The following HM13 variants were observed in gnomAD, a reference collection of about 807,000 sequenced individuals.
HM13 encodes signal peptide peptidase.
A neutral mutation model predicts 50.0 loss-of-function variants in HM13; 18 were observed. The ratio of observed to expected loss-of-function variants is 0.36; its 90% confidence interval spans 0.25 to 0.53. The LOEUF is 0.53. Ranked by LOEUF, HM13 falls within the 20% of genes least tolerant of loss-of-function variation. The pLI, the probability that HM13 is intolerant of heterozygous loss-of-function variation, is 0.90. For synonymous variants in HM13, 197 were observed against 232.6 expected (o/e 0.85, Z 1.39); for missense variants, 393 against 552.4 (o/e 0.71, Z 2.89).
intron 1 of HM13, among the ~76,000 whole-genome samples, chr20:31,526,180 G>A (rs1007151812): frequency 1.3e-5 from 2 of 150,188 alleles, no homozygotes; most frequent in Non-Finnish European, 3.0e-5. Flanking sequence ...TTTTTTAGAC[G>A]GAGTCTTGCT....
chr20:31,559,566 CCTG>C, intron 8 of HM13, 42 bp from the exon 9 acceptor site: 1 of 1,603,716 alleles, frequency 6.2e-7, no homozygotes, highest in Non-Finnish European at 8.5e-7. Flanking sequence ...AGTTCACTGC[CCTG>C]CTGCTTCCCT....
At position 31,520,551 on chromosome 20, in the gene HM13, A is replaced by AC. The variant is rs377158240; in HGVS notation, c.183+5819dup. ...ACTCTTGACCTCAAGTGATCCGCCC[A>AC]CCTCGGCCTCCCATAGTGCTGGGAT... On this transcript the variant is annotated intron_variant, in intron 1 of 12. Coordinates refer to ENST00000398174, the MANE Select transcript of HM13 (RefSeq NM_178581.3). 1.6e-3 allele frequency among the ~76,000 whole-genome samples: 237 copies of AC among 151,716 alleles called. 2 individuals carry two copies. Among genetic ancestry groups the AC allele is most frequent in the African/African-American group, 5.6e-3 (230 of 41,358 alleles).
chr20:31,554,696 A>T, intron 7 of HM13, 50 bp from the exon 8 acceptor site: 1 of 1,512,338 alleles, frequency 6.6e-7, no homozygotes, highest in African/African-American at 1.4e-5. Context: ...AAAAAAAAAA[A>T]TGTAAACTGG....
intron 3 of HM13, chr20:31,541,281 G>C (rs1983435994): frequency 6.6e-6 from 1 of 152,072 alleles, no homozygotes; most frequent in Non-Finnish European, 1.5e-5. Flanking sequence ...AGGAGTTCAA[G>C]ACCAGCCTGG....
chr20:31,554,377 CAA>C (rs60459866), intron 7 of HM13, among the ~76,000 whole-genome samples: 6 of 137,582 alleles, frequency 4.4e-5, no homozygotes, highest in African/African-American at 2.6e-5. Context: ...AGCCCCGTCT[CAA>C]AAAAAAAAAA....
intron 2 of HM13, among the ~76,000 whole-genome samples, chr20:31,528,361 GGC>G (rs1397245654): frequency 1.3e-5 from 2 of 152,150 alleles, no homozygotes; most frequent in African/African-American, 2.4e-5. Context: ...CCGTCCCCCA[GGC>G]TGGAGTGCAA....
intron 4 of HM13, among the ~76,000 whole-genome samples, chr20:31,546,786 G>T (rs1436946148): frequency 6.6e-6 from 1 of 151,252 alleles, no homozygotes; most frequent in African/African-American, 2.4e-5. Context: ...AGCTTGGCCA[G>T]GCGCGGTGGC....
intron 4 of HM13, among the ~76,000 whole-genome samples, chr20:31,545,646 C>G (rs1983670042): frequency 6.6e-6 from 1 of 152,100 alleles, no homozygotes. Flanking sequence ...GTGTGGAGAT[C>G]CTGGGATTTG....
At chr20:31,554,717 A>T in intron 7 of HM13, 29 bp from the exon 8 acceptor site, 1 of 1,590,422 alleles carries the variant, frequency 6.3e-7, no homozygotes, top group Non-Finnish European at 8.6e-7. Flanking sequence ...GCTCCAGCTG[A>T]CTCCTCACAT....
intron 4 of HM13, among the ~76,000 whole-genome samples, chr20:31,546,237 A>T (rs529577359): frequency 2.2e-4 from 33 of 151,280 alleles, no homozygotes; most frequent in African/African-American, 7.8e-4. Context: ...TTTTTAGTAG[A>T]GACGGGGTTT....
At chr20:31,517,975 T>C (rs993751347) in intron 1 of HM13, among the ~76,000 whole-genome samples, 2 of 152,136 alleles carry the variant, frequency 1.3e-5, no homozygotes, top group Admixed American at 6.6e-5. Flanking sequence ...TCTGTGTATA[T>C]AGACATGTAA....
At chr20:31,564,711 C>T (rs1249605722) in intron 10 of HM13, among the ~76,000 whole-genome samples, 1 of 151,950 alleles carries the variant, frequency 6.6e-6, no homozygotes, top group African/African-American at 2.4e-5. Flanking sequence ...CGCATCTCTA[C>T]TGAAAAATAC....
chr20:31,554,509 C>T (rs989625904), intron 7 of HM13: 5 of 429,510 alleles, frequency 1.2e-5, no homozygotes, highest in African/African-American at 2.0e-5. Context: ...GGTGAAACCC[C>T]GTCTCTACTA....
rs768229020 is a variant in HM13, at chr20:31,538,170, C to T, written c.283-9C>T. The T allele has an allele frequency of 6.8e-6, 11 of 1,613,454 alleles. No individual in the cohort carries two copies. In the East Asian group the frequency reaches 2.5e-4, roughly 36 times the overall value. Reference sequence around the variant, plus strand: ...TAACTTCCTGTTTCTCTTTGTATTTCTGCCTCAGATATTCTCCCAGGAGTA... The same window carrying T: ...TAACTTCCTGTTTCTCTTTGTATTTTTGCCTCAGATATTCTCCCAGGAGTA... On this transcript the variant is annotated splice_polypyrimidine_tract_variant and intron_variant, in intron 2 of 12. Coordinates refer to ENST00000398174, the MANE Select transcript of HM13 (RefSeq NM_178581.3).
rs1982214626 is a variant in HM13 at position 31,522,326 on chromosome 20, G to A, written c.184-5158G>A. On this transcript the variant is annotated intron_variant, in intron 1 of 12. Coordinates refer to ENST00000398174, the MANE Select transcript of HM13 (RefSeq NM_178581.3). ...ACCTGTAATCCCAGCACTTTGGGAGGCCAAGGCAGGCAGATCATCTGAGGT... is the reference window on the plus strand; with the variant it reads ...ACCTGTAATCCCAGCACTTTGGGAGACCAAGGCAGGCAGATCATCTGAGGT... Among the ~76,000 whole-genome samples, 8 of 152,216 alleles carry A rather than the reference G, an allele frequency of 5.3e-5. No homozygotes were observed. The South Asian group carries it at 1.7e-3, about 32-fold the overall frequency.
In HM13 at chr20:31,568,079, T is replaced by C; in HGVS notation, c.1036T>C (p.Tyr346His). The change falls in exon 12 of 13, where the codon TAC becomes CAC. Residue 346 changes from tyrosine (Y) to histidine (H), a missense_variant and splice_region_variant. Transcript: ENST00000398174. The stretch of plus-strand genomic sequence containing the variant: ...GTCTCTTCTCTCTCTCTCACACAGC[T>C]ACGAGTCCTCGGCGGAAATCCTGCC... ...AKGEVTEMFS[Y>H]ESSAEILPHT... 6.2e-7 allele frequency: 1 copy of C among 1,608,196 alleles called. No homozygotes were observed. The highest frequency in any genetic ancestry group is 1.1e-5 in the South Asian group (1 of 90,060).
At chr20:31,543,571 G>A (rs1184206566) in intron 3 of HM13, among the ~76,000 whole-genome samples, 2 of 151,958 alleles carry the variant, frequency 1.3e-5, no homozygotes, top group African/African-American at 4.8e-5. Context: ...ACAGGCGTGA[G>A]CCACTGCACC....
chr20:31,538,245 C>G lies in HM13; in HGVS notation c.349C>G (p.Leu117Val), dbSNP rs999484510. ...TTTCTTCGTGCTGGGAATCCTGGCC[C>G]TGTCCCACACCATCAGGTCAGAAGG... Reference protein sequence around the residue: ...MYFFVLGILALSHTISPFMNK... With the variant: ...MYFFVLGILAVSHTISPFMNK... Residue 117 changes from leucine (L) to valine (V), a missense_variant, in exon 3 of 13, where the codon CTG becomes GTG. This residue lies in a region of HM13 where 214 missense variants were observed against 276.1 expected (regional missense o/e 0.77). Coordinates refer to ENST00000398174, the MANE Select transcript of HM13 (RefSeq NM_178581.3). 1.1e-5 allele frequency: 18 copies of G among 1,614,154 alleles called. No individual in the cohort carries two copies. Among genetic ancestry groups the G allele is most frequent in the Non-Finnish European group, 1.5e-5 (18 of 1,180,024 alleles).
chr20:31,532,477 C>T (rs1201564342), intron 2 of HM13, among the ~76,000 whole-genome samples: 5 of 152,042 alleles, frequency 3.3e-5, no homozygotes, highest in African/African-American at 9.7e-5. Context: ...TGGTTCATAG[C>T]ATACCATCCT....
Sources: allele counts gnomAD v4.1 joint callset (sites outside exome capture counted in the v4.1 genomes callset), GRCh38; gene constraint gnomAD v4.1.1; regional missense constraint gnomAD v4.1.1; transcripts MANE v1.5; gene names NCBI Gene and HGNC (gene_info 2026-07-23, HGNC 2026-07-21).